The following RAVER2 variants were observed in gnomAD, a reference collection of about 807,000 sequenced individuals.
RAVER2 encodes ribonucleoprotein PTB-binding 2.
Under a neutral mutation model 78.1 loss-of-function variants are expected in RAVER2, and 46 were observed. That is an observed-to-expected ratio of 0.59 (90% CI 0.46 to 0.75). The LOEUF is 0.75. Among genes scored for constraint, RAVER2 ranks in the 30% least tolerant of loss-of-function variants. The pLI, the probability that RAVER2 is intolerant of heterozygous loss-of-function variation, is 0.00. For missense variants in RAVER2, 793 were observed against 837.5 expected (o/e 0.95, Z 0.66); for synonymous variants, 311 against 313.3 (o/e 0.99, Z 0.08).
rs1653113278 is a variant in RAVER2, at chr1:64,797,001, A to G, written c.1106-5975A>G. On this transcript the variant is annotated intron_variant, in intron 5 of 11. Transcript: ENST00000294428. ...GGTCAGTTGGTTATTTGTGTCACTT[A>G]AGTTCCAAAATTTGGAGATTTTCTA... is the stretch of plus-strand genomic sequence containing the variant. Among the ~76,000 whole-genome samples the G allele has an allele frequency of 2.0e-5, 3 of 152,290 alleles. No homozygotes were observed. The South Asian group carries it at 6.2e-4, about 32-fold the overall frequency.
chr1:64,768,682 T>A lies in RAVER2; in HGVS notation c.276T>A (p.Tyr92Ter), dbSNP rs1652238146. 6.4e-7 allele frequency: 1 copy of A among 1,561,800 alleles called. No homozygotes were observed. The highest frequency in any genetic ancestry group is 1.4e-5 in the African/African-American group (1 of 73,502). The change falls in exon 2 of 12, where the codon TAT (tyrosine) becomes TAA (stop). Residue 92 changes from tyrosine (Y) to a stop codon, truncating the protein, a stop_gained. Transcript: ENST00000294428. LOFTEE classifies it high-confidence loss of function. The stretch of plus-strand genomic sequence containing the variant: ...AAGTTCATGATTTGTTAAAAGACTA[T>A]GACTTAAAATATTGTTATGTGGACA...
exon 9 of RAVER2, chr1:64,807,218 T>G (rs1345079540): frequency 1.2e-6 from 2 of 1,613,602 alleles, no homozygotes; most frequent in African/African-American, 2.7e-5. Flanking sequence ...TCTAGCCTGA[T>G]TCCAACTCAA....
chr1:64,811,467 C>T (rs1331021377), intron 9 of RAVER2, among the ~76,000 whole-genome samples: 2 of 152,154 alleles, frequency 1.3e-5, no homozygotes, highest in East Asian at 3.8e-4. Flanking sequence ...TCTCAAGAAA[C>T]AATGTCATGA....
intron 4 of RAVER2, among the ~76,000 whole-genome samples, chr1:64,785,860 A>G (rs1652766178): frequency 6.6e-6 from 1 of 152,156 alleles, no homozygotes; most frequent in Non-Finnish European, 1.5e-5. Context: ...GATTAAAATT[A>G]TGATATTGTG....
At chr1:64,752,217 A>G (rs1157697854) in intron 1 of RAVER2, among the ~76,000 whole-genome samples, 2 of 152,202 alleles carry the variant, frequency 1.3e-5, no homozygotes, top group East Asian at 1.9e-4. Flanking sequence ...TTATGGTTGC[A>G]CTTGGCCAGA....
At chr1:64,819,763 C>G (rs1653838142) in intron 11 of RAVER2, among the ~76,000 whole-genome samples, 1 of 152,150 alleles carries the variant, frequency 6.6e-6, no homozygotes. Flanking sequence ...TGCACGTTGT[C>G]TTGAGACAGG....
chr1:64,755,733 T>TG (rs906913396), intron 1 of RAVER2, among the ~76,000 whole-genome samples: 5 of 142,000 alleles, frequency 3.5e-5, no homozygotes, highest in African/African-American at 1.3e-4. Flanking sequence ...AGTTTTTTTT[T>TG]TTTTTTTTTT....
At chr1:64,778,073 A>T in exon 3 of RAVER2, 1 of 1,609,812 alleles carries the variant, frequency 6.2e-7, no homozygotes, top group Non-Finnish European at 8.5e-7. Flanking sequence ...TCCAGTGTCC[A>T]TAAACCTGTG....
At chr1:64,772,922 T>C (rs1000831090) in intron 2 of RAVER2, among the ~76,000 whole-genome samples, 3 of 152,122 alleles carry the variant, frequency 2.0e-5, no homozygotes, top group African/African-American at 7.2e-5. Flanking sequence ...AGCAAACCTT[T>C]GCATTTAAGG....
At chr1:64,816,476 AG>A (rs1653759487) in intron 11 of RAVER2, 1 of 152,250 alleles carries the variant, frequency 6.6e-6, no homozygotes, top group Admixed American at 6.5e-5. Flanking sequence ...GGAACATTAA[AG>A]TACATGGAAT....
chr1:64,821,542 T>G (rs747821337), intron 11 of RAVER2, among the ~76,000 whole-genome samples: 5 of 152,168 alleles, frequency 3.3e-5, no homozygotes, highest in African/African-American at 4.8e-5. Context: ...AAATATGTAT[T>G]CACACCTTGT....
intron 5 of RAVER2, among the ~76,000 whole-genome samples, chr1:64,798,456 G>A (rs1009134609): frequency 6.7e-6 from 1 of 150,358 alleles, no homozygotes; most frequent in South Asian, 2.1e-4. Flanking sequence ...GGATGGCTGG[G>A]TCAAATGGTA....
At chr1:64,832,643 G>T (rs1402143608) in exon 12 of RAVER2, 3 of 152,118 alleles carry the variant, frequency 2.0e-5, no homozygotes, top group Non-Finnish European at 4.4e-5. Flanking sequence ...TGTATGCTTT[G>T]TAAAGAATTT....
intron 1 of RAVER2, among the ~76,000 whole-genome samples, chr1:64,765,809 G>A (rs564333563): frequency 3.3e-5 from 5 of 152,132 alleles, no homozygotes; most frequent in African/African-American, 9.7e-5. Context: ...GAACAAAAAC[G>A]TGCTTCCATT....
intron 9 of RAVER2, among the ~76,000 whole-genome samples, chr1:64,811,751 T>A (rs942330833): frequency 2.0e-5 from 3 of 152,238 alleles, no homozygotes; most frequent in African/African-American, 7.2e-5. Flanking sequence ...AACAGTAGGC[T>A]ATTAGTAGTT....
At chr1:64,768,813 G>T in intron 2 of RAVER2, 91 bp downstream of exon 2, 1 of 782,974 alleles carries the variant, frequency 1.3e-6, no homozygotes, top group Non-Finnish European at 2.1e-6. Flanking sequence ...TCATGCTTAA[G>T]CTAATCATGG....
intron 5 of RAVER2, among the ~76,000 whole-genome samples, chr1:64,793,621 A>G (rs1172248617): frequency 2.6e-5 from 4 of 152,208 alleles, no homozygotes; most frequent in Admixed American, 6.5e-5. Flanking sequence ...ATGAATTGAT[A>G]TGTTTTGATG....
intron 3 of RAVER2, among the ~76,000 whole-genome samples, chr1:64,780,851 G>T (rs765549001): frequency 3.2e-4 from 48 of 152,122 alleles, no homozygotes; most frequent in Admixed American, 2.0e-3. Flanking sequence ...ATAAACCTGG[G>T]ACACAGTTTT....
chr1:64,759,043 A>C (rs1651935593), intron 1 of RAVER2, among the ~76,000 whole-genome samples: 1 of 151,650 alleles, frequency 6.6e-6, no homozygotes, highest in South Asian at 2.1e-4. Context: ...TGCAAGCAAA[A>C]ACTGCTCAAG....
Sources: gnomAD v4.1 joint callset for allele counts (sites outside exome capture counted in the v4.1 genomes callset) on GRCh38, gnomAD v4.1.1 for gene constraint, MANE v1.5 for transcripts, NCBI Gene and HGNC (gene_info 2026-07-23, HGNC 2026-07-21) for gene names.